The following ERC1 variants were observed in gnomAD, a reference collection of about 807,000 sequenced individuals.
ERC1 encodes the protein RAB6 interacting protein 2.
ERC1 carries 56 observed loss-of-function variants against 132.0 expected under a neutral mutation model. The ratio of observed to expected loss-of-function variants is 0.42; its 90% CI spans 0.34 to 0.53. ERC1 has a LOEUF of 0.53. Ranked by LOEUF, ERC1 falls within the 20% of genes least tolerant of loss-of-function variation. ERC1 has a pLI of 0.03. For synonymous variants in ERC1, 478 were observed against 476.1 expected (o/e 1.00, Z -0.05); for missense variants, 1,202 against 1,349.9 (o/e 0.89, Z 1.72).
intron 13 of ERC1, among the ~76,000 whole-genome samples, chr12:1,248,727 CAA>C (rs971536222): frequency 3.1e-4 from 47 of 152,246 alleles, no homozygotes; most frequent in African/African-American, 1.1e-3. Context: ...AAGAGTCATA[CAA>C]AAGTGTTTGC....
intron 17 of ERC1, among the ~76,000 whole-genome samples, chr12:1,418,629 T>TTCTCTCTC (rs1267745489): frequency 9.8e-6 from 1 of 101,880 alleles, no homozygotes; most frequent in Non-Finnish European, 1.9e-5. Flanking sequence ...CTTTCTTTCT[T>TTCTCTCTC]TCTTTCTTTC....
rs894940514 is a variant in ERC1, at chr12:1,494,056, A to C, written c.*3826A>C. On this transcript the variant is annotated 3_prime_UTR_variant, in exon 19 of 19. Coordinates refer to ENST00000360905, the MANE Select transcript of ERC1 (RefSeq NM_178040.4). ...GTTACTTGAGTGTAGGCCCGGTGTC[A>C]AGACCCTCAGAGTCTTTGAGGAAAG... The C allele has an allele frequency of 4.3e-6, 1 of 231,368 alleles. No individual in the cohort carries two copies. Among genetic ancestry groups the C allele is most frequent in the East Asian group, 6.1e-5 (1 of 16,424 alleles). 14.3% of individuals were successfully genotyped at this position (231,368 alleles called of 1,614,324 possible).
At chr12:1,194,428 G>GAATAA (rs1203978012) in intron 12 of ERC1, among the ~76,000 whole-genome samples, 12 of 151,796 alleles carry the variant, frequency 7.9e-5, no homozygotes, top group Admixed American at 5.3e-4. Flanking sequence ...CTCAAAAAAT[G>GAATAA]AATAAAATAA....
At chr12:996,052 CA>C (rs1417398988) in intron 1 of ERC1, among the ~76,000 whole-genome samples, 1 of 151,382 alleles carries the variant, frequency 6.6e-6, no homozygotes, top group Admixed American at 6.6e-5. Flanking sequence ...ATAGATGAGA[CA>C]AATGTAAGAG....
chr12:1,346,891 G>A (rs1033251269), intron 15 of ERC1, among the ~76,000 whole-genome samples: 6 of 145,774 alleles, frequency 4.1e-5, no homozygotes, highest in African/African-American at 1.0e-4. Flanking sequence ...GCAGTGAGCC[G>A]AGATTGCGCC....
At chr12:1,286,973 A>G (rs1270599437) in intron 14 of ERC1, among the ~76,000 whole-genome samples, 1 of 152,248 alleles carries the variant, frequency 6.6e-6, no homozygotes, top group African/African-American at 2.4e-5. Context: ...GTTCAAGAAT[A>G]GCTAAGATGC....
chr12:1,188,571 G>A (rs1406702333), intron 11 of ERC1, among the ~76,000 whole-genome samples: 2 of 152,174 alleles, frequency 1.3e-5, no homozygotes, highest in African/African-American at 4.8e-5. Flanking sequence ...CTTCATATGT[G>A]TATCAAGGTT....
intron 13 of ERC1, among the ~76,000 whole-genome samples, chr12:1,245,353 A>G (rs548922531): frequency 6.6e-6 from 1 of 152,324 alleles, no homozygotes; most frequent in African/African-American, 2.4e-5. Context: ...TTGTACTTCA[A>G]TAAATGGAAT....
intron 14 of ERC1, among the ~76,000 whole-genome samples, chr12:1,277,676 TAG>T (rs1363774745): frequency 6.6e-6 from 1 of 152,150 alleles, no homozygotes; most frequent in Admixed American, 6.6e-5. Flanking sequence ...ACAAAAAAAA[TAG>T]AGTGTTACGT....
intron 15 of ERC1, among the ~76,000 whole-genome samples, chr12:1,367,818 G>C (rs577831798): frequency 6.6e-6 from 1 of 152,192 alleles, no homozygotes; most frequent in South Asian, 2.1e-4. Flanking sequence ...ACCAGGGATA[G>C]AGTGAATAGA....
chr12:1,174,669 G>A (rs1019589093), intron 8 of ERC1, among the ~76,000 whole-genome samples: 8 of 152,178 alleles, frequency 5.3e-5, no homozygotes, highest in Non-Finnish European at 2.9e-5. Context: ...GCATGTAAGG[G>A]GTGTTTGTAT....
rs551832815 is a variant in ERC1 at position 1,258,552 on chromosome 12, T to C, written c.2488-4482T>C. 6.0e-4 allele frequency among the ~76,000 whole-genome samples: 92 copies of C among 152,340 alleles called. 1 individual carries two copies. Among genetic ancestry groups the C allele is most frequent in the African/African-American group, 2.1e-3 (88 of 41,592 alleles). ...CATTTCATGATTCTCAAGTCTAATA[T>C]GACATCTTATTGGCTCACTCACTTT... On this transcript the variant is annotated intron_variant, in intron 13 of 18. Coordinates refer to ENST00000360905, the MANE Select transcript of ERC1 (RefSeq NM_178040.4).
intron 14 of ERC1, among the ~76,000 whole-genome samples, chr12:1,271,019 C>T (rs1038907606): frequency 6.6e-6 from 1 of 151,852 alleles, no homozygotes; most frequent in Non-Finnish European, 1.5e-5. Flanking sequence ...AAAAGTGATG[C>T]TTTTTTAAAA....
intron 16 of ERC1, among the ~76,000 whole-genome samples, chr12:1,377,131 C>T (rs1233624213): frequency 3.9e-5 from 6 of 152,284 alleles, no homozygotes; most frequent in Non-Finnish European, 5.9e-5. Context: ...AGTATTTCAC[C>T]GTTGCCCCAA....
At chr12:1,449,899 G>C (rs2093386850) in intron 18 of ERC1, among the ~76,000 whole-genome samples, 1 of 150,472 alleles carries the variant, frequency 6.6e-6, no homozygotes, top group East Asian at 1.9e-4. Context: ...ATTTCCACTA[G>C]TGGCTTAAAG....
chr12:1,357,884 T>A (rs544486718), intron 15 of ERC1, among the ~76,000 whole-genome samples: 2 of 152,306 alleles, frequency 1.3e-5, no homozygotes, highest in East Asian at 3.9e-4. Context: ...CGCAGATCAG[T>A]GGGTTTAAGA....
intron 13 of ERC1, among the ~76,000 whole-genome samples, 186 bp downstream of exon 13, chr12:1,237,090 A>T (rs2075469231): frequency 6.6e-6 from 1 of 152,226 alleles, no homozygotes; most frequent in Non-Finnish European, 1.5e-5. Flanking sequence ...GTTTTATTCC[A>T]CAGCTTTATG....
intron 1 of ERC1, among the ~76,000 whole-genome samples, chr12:997,709 T>C (rs1265541726): frequency 6.6e-6 from 1 of 152,090 alleles, no homozygotes; most frequent in African/African-American, 2.4e-5. Flanking sequence ...GACTAAGATT[T>C]TACGTAAGGG....
chr12:1,445,636 T>C (rs925075119), intron 18 of ERC1, among the ~76,000 whole-genome samples: 3 of 152,204 alleles, frequency 2.0e-5, no homozygotes, highest in Admixed American at 2.0e-4. Flanking sequence ...TCCTCTTCGA[T>C]TCAAGTTTCT....
Sources: allele counts gnomAD v4.1 joint callset (sites outside exome capture counted in the v4.1 genomes callset), GRCh38; gene constraint gnomAD v4.1.1; transcripts MANE v1.5; gene names NCBI Gene and HGNC (gene_info 2026-07-23, HGNC 2026-07-21).